Variants in IQUB observed in about 807,000 individuals in gnomAD.
IQUB encodes IQ motif and ubiquitin domain containing.
Under a neutral mutation model 86.4 loss-of-function variants are expected in IQUB, and 86 were observed. The ratio of observed to expected loss-of-function variants is 1.00; its 90% CI spans 0.84 to 1.19. The LOEUF (loss-of-function observed/expected upper bound fraction) is 1.19. Ranked by LOEUF, IQUB falls within the 50% of genes most tolerant of loss-of-function variation. IQUB has a pLI of 0.00. For synonymous variants in IQUB, 289 were observed against 304.5 expected (o/e 0.95, Z 0.53); for missense variants, 946 against 916.9 (o/e 1.03, Z -0.41).
intron 9 of IQUB, among the ~76,000 whole-genome samples, chr7:123,468,625 C>T (rs1794371051): frequency 6.6e-6 from 1 of 152,240 alleles, no homozygotes; most frequent in Non-Finnish European, 1.5e-5. Flanking sequence ...CCCCGTGACA[C>T]TGGCTGAAGT....
intron 10 of IQUB, among the ~76,000 whole-genome samples, chr7:123,463,545 G>GTATGATTCCATTTA (rs1794099998): frequency 6.6e-6 from 1 of 151,786 alleles, no homozygotes; most frequent in East Asian, 1.9e-4. Flanking sequence ...ACTACATATA[G>GTATGATTCCATTTA]TATGATTCCA....
intron 9 of IQUB, among the ~76,000 whole-genome samples, chr7:123,468,992 T>C (rs1256492464): frequency 6.6e-6 from 1 of 152,222 alleles, no homozygotes. Context: ...CTGCATATAT[T>C]TGCATTCATT....
chr7:123,526,436 C>T (rs1328483254), intron 1 of IQUB, among the ~76,000 whole-genome samples: 2 of 152,108 alleles, frequency 1.3e-5, no homozygotes, highest in African/African-American at 2.4e-5. Context: ...TGAATTGATC[C>T]CTTTACCATT....
chr7:123,515,502 C>CAATTAAG (rs931559351), intron 1 of IQUB, among the ~76,000 whole-genome samples: 2 of 152,064 alleles, frequency 1.3e-5, no homozygotes, highest in Non-Finnish European at 2.9e-5. Flanking sequence ...TTAAGCAGGG[C>CAATTAAG]CAGGCCTAGG....
At chr7:123,478,505 G>GCA (rs1794848117) in intron 8 of IQUB, among the ~76,000 whole-genome samples, 1 of 151,990 alleles carries the variant, frequency 6.6e-6, no homozygotes, top group African/African-American at 2.4e-5. Context: ...AACCAACATG[G>GCA]CACATATATA....
intron 1 of IQUB, among the ~76,000 whole-genome samples, chr7:123,527,972 G>A (rs1378441852): frequency 3.9e-5 from 6 of 152,224 alleles, no homozygotes; most frequent in African/African-American, 1.4e-4. Flanking sequence ...GCGAGACTCC[G>A]TGGGCGTAGG....
At chr7:123,483,023 G>T (rs1472395741) in intron 7 of IQUB, among the ~76,000 whole-genome samples, 3 of 152,012 alleles carry the variant, frequency 2.0e-5, no homozygotes, top group African/African-American at 7.2e-5. Flanking sequence ...GTTCATTCCA[G>T]GTTTTTTTGG....
Position 123,452,948 on chromosome 7 carries a change from C to A in IQUB, c.2194-23G>T, listed in dbSNP as rs374678425. The A allele has an allele frequency of 2.4e-5, 38 of 1,576,726 alleles. No individual in the cohort carries two copies. The African/African-American group carries it at 3.5e-4, about 15-fold the overall frequency. On this transcript the variant is annotated intron_variant, in intron 12 of 12. Transcript: ENST00000324698. ...TCCCTGCAAAGAAAAAAATCAAATT[C>A]TAGTAAATATCACAGATATATTTTG...
intron 11 of IQUB, among the ~76,000 whole-genome samples, 164 bp downstream of exon 11, chr7:123,461,193 G>A (rs1444210519): frequency 2.6e-5 from 4 of 151,560 alleles, no homozygotes; most frequent in Non-Finnish European, 4.4e-5. Context: ...GTATAATGGT[G>A]AGCAGGAGGG....
intron 1 of IQUB, among the ~76,000 whole-genome samples, chr7:123,526,122 G>C (rs966709987): frequency 4.1e-5 from 6 of 147,984 alleles, no homozygotes; most frequent in South Asian, 2.2e-4. Flanking sequence ...TTACTTCCAA[G>C]TATGTGGTCA....
intron 7 of IQUB, among the ~76,000 whole-genome samples, chr7:123,480,702 T>G (rs1794966691): frequency 6.6e-6 from 1 of 152,254 alleles, no homozygotes; most frequent in African/African-American, 2.4e-5. Flanking sequence ...TGATATAGTT[T>G]TATGTAGAAT....
chr7:123,459,083 G>C (rs971942791), intron 11 of IQUB, among the ~76,000 whole-genome samples: 6 of 151,818 alleles, frequency 4.0e-5, no homozygotes, highest in African/African-American at 9.7e-5. Context: ...AATTACAAGG[G>C]GGGGGAAGCT....
chr7:123,522,534 G>A (rs557909386), intron 1 of IQUB, among the ~76,000 whole-genome samples: 10 of 152,290 alleles, frequency 6.6e-5, no homozygotes, highest in Admixed American at 1.3e-4. Context: ...ATAAAGTAGT[G>A]TATATAAAGT....
At chr7:123,507,723 A>G (rs1186127015) in intron 3 of IQUB, among the ~76,000 whole-genome samples, 1 of 152,022 alleles carries the variant, frequency 6.6e-6, no homozygotes, top group Non-Finnish European at 1.5e-5. Context: ...AAATGTAAAA[A>G]TTAGCCGGGT....
intron 7 of IQUB, among the ~76,000 whole-genome samples, chr7:123,492,852 G>C (rs1049791648): frequency 5.9e-5 from 9 of 152,066 alleles, no homozygotes; most frequent in African/African-American, 1.9e-4. Flanking sequence ...TAGCCACTTA[G>C]GGATAATCTA....
At chr7:123,509,168 T>C (rs1297575905) in intron 3 of IQUB, among the ~76,000 whole-genome samples, 1 of 152,156 alleles carries the variant, frequency 6.6e-6, no homozygotes, top group Non-Finnish European at 1.5e-5. Flanking sequence ...TAGGATCTGT[T>C]CAGACATATT....
rs865982989 is a variant in IQUB at position 123,452,224 on chromosome 7, A to G, written c.*519T>C. ...CAAGTGTTGTTTTATTGGGATTATG[A>G]GAAGGATGGAAGGTGAAAGCAGACG... is the stretch of plus-strand genomic sequence containing the variant. On this transcript the variant is annotated 3_prime_UTR_variant, in exon 13 of 13. Coordinates refer to ENST00000324698, the MANE Select transcript of IQUB (RefSeq NM_178827.5). Among the ~76,000 whole-genome samples, 14 of 152,192 alleles carry G rather than the reference A, an allele frequency of 9.2e-5. No individual in the cohort carries two copies. The highest frequency in any genetic ancestry group is 2.1e-4 in the South Asian group (1 of 4,834).
At position 123,469,448 on chromosome 7, in the gene IQUB, CCTT is replaced by C. The variant is rs1235281378; in HGVS notation, c.1411-67_1411-65del. 6 of 922,126 alleles carry C rather than the reference CCTT, an allele frequency of 6.5e-6. No individual in the cohort carries two copies. The African/African-American group carries it at 6.8e-5, about 10-fold the overall frequency. The allele number at this position is 922,126 out of a possible 1,614,324, so 57.1% of individuals were successfully genotyped here. ...AGAAACTACGTATAACAATTTTGCT[CCTT>C]CTACTAAAAGTCTACCTTAATATCA... On this transcript the variant is annotated intron_variant, in intron 8 of 12. Coordinates refer to ENST00000324698, the MANE Select transcript of IQUB (RefSeq NM_178827.5).
intron 12 of IQUB, among the ~76,000 whole-genome samples, chr7:123,456,305 A>G (rs1204534710): frequency 6.6e-6 from 1 of 152,116 alleles, no homozygotes; most frequent in Non-Finnish European, 1.5e-5. Context: ...ATGAACTTCA[A>G]TCTCATCATG....
Sources: allele counts gnomAD v4.1 joint callset (sites outside exome capture counted in the v4.1 genomes callset), GRCh38; gene constraint gnomAD v4.1.1; transcripts MANE v1.5; gene names NCBI Gene and HGNC (gene_info 2026-07-23, HGNC 2026-07-21).